The following CDKL5 variants were observed in gnomAD, a reference collection of about 807,000 sequenced individuals.
CDKL5 encodes the protein cyclin-dependent kinase-like 5.
Under a neutral mutation model 61.7 loss-of-function variants are expected in CDKL5, and 8 were observed. The observed-to-expected ratio is 0.13, with a 90% CI of 0.08 to 0.23. The LOEUF is 0.23. Ranked by LOEUF, CDKL5 falls within the 10% of genes least tolerant of loss-of-function variation. CDKL5 has a pLI of 1.00. For synonymous variants in CDKL5, 275 were observed against 272.3 expected (o/e 1.01, Z -0.10); for missense variants, 440 against 734.5 (o/e 0.60, Z 4.63).
intron 1 of CDKL5, among the ~76,000 whole-genome samples, chrX:18,466,633 C>A (rs777294713): frequency 9.0e-6 from 1 of 111,340 alleles, no homozygotes; most frequent in Non-Finnish European, 1.9e-5. Context: ...GCCTCAGCCT[C>A]CCGAGTAGCT....
At chrX:18,465,213 C>A (rs747606993) in intron 1 of CDKL5, among the ~76,000 whole-genome samples, 2 of 111,291 alleles carry the variant, frequency 1.8e-5, no homozygotes, top group Non-Finnish European at 3.8e-5. Context: ...CAGCAAGCAT[C>A]CCTGTATGAT....
intron 9 of CDKL5, chrX:18,588,783 G>A (rs867715284): frequency 9.1e-6 from 1 of 109,918 alleles, no homozygotes; most frequent in Admixed American, 9.8e-5. Context: ...GCATGGAGGT[G>A]CACACCTGTA....
chrX:18,644,421 C>T (rs1927692982), downstream of CDKL5: 2 of 1,210,441 alleles, frequency 1.7e-6, no homozygotes, highest in African/African-American at 3.5e-5. Flanking sequence ...TGGGATAAGC[C>T]CAACTTACCC....
chrX:18,452,211 ATAT>A (rs1362906529), intron 1 of CDKL5, among the ~76,000 whole-genome samples: 1 of 111,738 alleles, frequency 8.9e-6, no homozygotes, highest in Non-Finnish European at 1.9e-5. Flanking sequence ...GAATTTCATA[ATAT>A]ACAAACTTTA....
intron 8 of CDKL5, among the ~76,000 whole-genome samples, chrX:18,586,983 T>A (rs1925662351): frequency 8.9e-6 from 1 of 112,324 alleles, no homozygotes. Context: ...CAATGATTTG[T>A]TATCCTAGAA....
chrX:18,598,503 A>C lies in CDKL5; in HGVS notation c.867A>C (p.Glu289Asp). 8.3e-7 allele frequency: 1 copy of C among 1,206,619 alleles called. No homozygotes were observed. The highest frequency in any genetic ancestry group is 1.1e-6 in the Non-Finnish European group (1 of 890,618). ...ACCCAGCTGACAGATACTTGACAGA[A>C]CAGTGTTTGAATCACCCTACATTTC... ...KLDPADRYLT[E>D]QCLNHPTFQT... Residue 289 changes from glutamate to aspartate, a missense_variant, in exon 11 of 18, where the codon GAA (glutamate) becomes GAC (aspartate). Physicochemically the swap from Glu to Asp is conservative, Grantham distance 45 (BLOSUM62 2). Coordinates refer to ENST00000623535, the MANE Select transcript of CDKL5 (RefSeq NM_001323289.2).
intron 1 of CDKL5, among the ~76,000 whole-genome samples, chrX:18,506,435 A>G (rs1198154009): frequency 3.6e-5 from 4 of 111,722 alleles, no homozygotes; most frequent in Non-Finnish European, 5.6e-5. Flanking sequence ...AACTGAGCTT[A>G]TATTGTTAAC....
chrX:18,595,276 C>A, intron 9 of CDKL5, 72 bp from the exon 10 acceptor site: 1 of 701,076 alleles, frequency 1.4e-6, no homozygotes, highest in Non-Finnish European at 2.3e-6. Context: ...CTCCCTTCTG[C>A]AACACTCACA....
At position 18,628,778 on chromosome X, in the gene CDKL5, G is replaced by T; in HGVS notation, c.*21G>T. 9.1e-7 allele frequency: 1 copy of T among 1,097,981 alleles called. No individual in the cohort carries two copies. The highest frequency in any genetic ancestry group is 1.2e-6 in the Non-Finnish European group (1 of 843,804). The allele number at this position is 1,097,981 out of a possible 1,213,427, so 90.5% of individuals were successfully genotyped here. ...TGTAATTTGTGCTGGTAGGGGGGAG[G>T]GGTGGACAGACAAGCCAGTGGGGAG... On this transcript the variant is annotated 3_prime_UTR_variant, in exon 18 of 18. Transcript: ENST00000623535.
chrX:18,555,439 A>G (rs189027588), intron 3 of CDKL5, among the ~76,000 whole-genome samples: 5 of 112,380 alleles, frequency 4.4e-5, no homozygotes, highest in Non-Finnish European at 7.5e-5. Context: ...GTAGTGATAA[A>G]AATGTGTGGG....
intron 1 of CDKL5, among the ~76,000 whole-genome samples, chrX:18,497,153 C>T (rs924638525): frequency 5.4e-5 from 6 of 110,600 alleles, no homozygotes; most frequent in Non-Finnish European, 7.6e-5. Context: ...CCACCACCCC[C>T]GGCTAATTTA....
intron 17 of CDKL5, 97 bp from the exon 18 acceptor site, chrX:18,628,274 G>A (rs1927129612): frequency 4.4e-6 from 4 of 906,137 alleles, no homozygotes; most frequent in African/African-American, 3.9e-5. Flanking sequence ...GCCCTTCCTG[G>A]CCACACCCAG....
intron 1 of CDKL5, among the ~76,000 whole-genome samples, chrX:18,490,511 C>T (rs1921958022): frequency 9.1e-6 from 1 of 110,143 alleles, no homozygotes; most frequent in Admixed American, 9.7e-5. Context: ...CTTCAGCTTA[C>T]AAATGGAAAC....
intron 17 of CDKL5, chrX:18,627,070 G>A (rs919012615): frequency 9.9e-5 from 11 of 110,690 alleles, no homozygotes; most frequent in African/African-American, 3.0e-4. Flanking sequence ...GAGTCTCATC[G>A]TGTTATACCA....
At chrX:18,532,700 G>A (rs1923690857) in intron 3 of CDKL5, among the ~76,000 whole-genome samples, 2 of 111,538 alleles carry the variant, frequency 1.8e-5, no homozygotes, top group Non-Finnish European at 3.8e-5. Flanking sequence ...TTAAGCAACC[G>A]AGAAAGTAGT....
At chrX:18,628,222 A>C in intron 17 of CDKL5, 149 bp from the exon 18 acceptor site, 1 of 578,301 alleles carries the variant, frequency 1.7e-6, no homozygotes, top group Non-Finnish European at 3.0e-6. Flanking sequence ...AAAAAACCCG[A>C]AGAACAGATA....
chrX:18,551,022 A>G (rs1188146710), intron 3 of CDKL5, among the ~76,000 whole-genome samples: 1 of 112,017 alleles, frequency 8.9e-6, no homozygotes, highest in Non-Finnish European at 1.9e-5. Context: ...ATCTATAAGT[A>G]TGGAGCTAGA....
intron 11 of CDKL5, among the ~76,000 whole-genome samples, chrX:18,600,321 G>C (rs1480530032): frequency 9.0e-6 from 1 of 111,722 alleles, no homozygotes; most frequent in Non-Finnish European, 1.9e-5. Context: ...GGCTTTCTTT[G>C]TTTGTTGCCA....
At chrX:18,649,285 G>C (rs372155863) in intron 20 of CDKL5, among the ~76,000 whole-genome samples, 2 of 111,219 alleles carry the variant, frequency 1.8e-5, no homozygotes, top group South Asian at 3.9e-4. Context: ...GCACAGGCTG[G>C]AGTGCTGTGG....
Sources: allele counts gnomAD v4.1 joint callset (sites outside exome capture counted in the v4.1 genomes callset), GRCh38; gene constraint gnomAD v4.1.1; transcripts MANE v1.5; gene names NCBI Gene and HGNC (gene_info 2026-07-23, HGNC 2026-07-21).